Variants in GK5 observed in about 807,000 individuals in gnomAD.
The protein encoded by GK5 is ATP:glycerol 3-phosphotransferase 5.
A neutral mutation model predicts 77.3 loss-of-function variants in GK5; 39 were observed. The ratio of observed to expected loss-of-function variants is 0.50; its 90% CI spans 0.39 to 0.66. GK5 has a LOEUF of 0.66. Among genes scored for constraint, GK5 ranks in the 30% least tolerant of loss-of-function variants. GK5 has a pLI of 0.00. For missense variants in GK5, 487 were observed against 633.8 expected, an observed-to-expected ratio of 0.77 and a Z score of 2.49; for synonymous variants, 211 against 208.0, an observed-to-expected ratio of 1.01 and a Z score of -0.13.
In GK5 at chr3:142,201,138, G is replaced by T. The variant is rs185893077; in HGVS notation, c.412-2205C>A. Among the ~76,000 whole-genome samples the T allele has an allele frequency of 3.9e-5, 6 of 152,228 alleles. No individual in the cohort carries two copies. The East Asian group carries it at 1.2e-3, about 29-fold the overall frequency. On this transcript the variant is annotated intron_variant, in intron 4 of 15. Transcript: ENST00000392993. ...ATGACCTTGAGGTTTTTATCCCAGA[G>T]AAATGAAAAATTACATTCACAGAAA...
intron 15 of GK5, among the ~76,000 whole-genome samples, chr3:142,166,194 C>G (rs2063470973): frequency 6.6e-6 from 1 of 151,934 alleles, no homozygotes; most frequent in African/African-American, 2.4e-5. Flanking sequence ...CTGCAGTGAG[C>G]TATGATTATA....
intron 10 of GK5, among the ~76,000 whole-genome samples, chr3:142,182,274 G>C (rs909692399): frequency 2.0e-5 from 3 of 151,642 alleles, no homozygotes; most frequent in Non-Finnish European, 2.9e-5. Flanking sequence ...CACTAGCTGA[G>C]GACTACCACT....
intron 5 of GK5, among the ~76,000 whole-genome samples, chr3:142,189,568 C>T (rs2063820249): frequency 6.6e-6 from 1 of 152,080 alleles, no homozygotes; most frequent in South Asian, 2.1e-4. Context: ...GTAAATTCAT[C>T]CATCTATTAA....
At position 142,183,013 on chromosome 3, in the gene GK5, A is replaced by T. The variant is rs376526166; in HGVS notation, c.853T>A (p.Cys285Ser). The T allele has an allele frequency of 9.3e-6, 15 of 1,613,494 alleles. No homozygotes were observed. The highest frequency in any genetic ancestry group is 1.3e-5 in the African/African-American group (1 of 74,932). Residue 285 changes from cysteine to serine, a missense_variant, in exon 10 of 16, where the codon TGC becomes AGC. By Grantham distance (112) the Cys-to-Ser change is moderately radical. Coordinates refer to ENST00000392993, the MANE Select transcript of GK5 (RefSeq NM_001039547.3). The part of the protein sequence containing the change: ...DQQSAMFGEC[C>S]FQTGDVKLTM... ...AATTTCACATCACCTGTCTGGAAGC[A>T]GCACTCTCCAAACATGGCTGATTGC...
intron 6 of GK5, among the ~76,000 whole-genome samples, chr3:142,186,876 C>T (rs560901084): frequency 6.6e-6 from 1 of 152,086 alleles, no homozygotes; most frequent in Admixed American, 6.6e-5. Flanking sequence ...AGTGATCCGC[C>T]CGCCTCAGCC....
chr3:142,182,734 TATC>T (rs1340984051), intron 10 of GK5, among the ~76,000 whole-genome samples, 186 bp downstream of exon 10: 2 of 152,136 alleles, frequency 1.3e-5, no homozygotes, highest in Non-Finnish European at 2.9e-5. Context: ...TTTTCAACAA[TATC>T]ATTCTTGTTT....
At chr3:142,171,281 C>T in intron 14 of GK5, 138 bp downstream of exon 14, 1 of 756,486 alleles carries the variant, frequency 1.3e-6, no homozygotes, top group East Asian at 3.6e-5. Context: ...AGGAGCTAAG[C>T]AGAAATTATT....
intron 5 of GK5, among the ~76,000 whole-genome samples, chr3:142,190,863 C>T (rs1404162897): frequency 2.0e-5 from 3 of 151,764 alleles, no homozygotes; most frequent in Non-Finnish European, 1.5e-5. Flanking sequence ...AGTGTTAAAC[C>T]AGCAGAAAAA....
chr3:142,177,597 C>T (rs1273779327), intron 11 of GK5, 21 bp from the exon 12 acceptor site: 1 of 1,463,128 alleles, frequency 6.8e-7, no homozygotes, highest in South Asian at 1.2e-5. Flanking sequence ...AAACAAACAA[C>T]AAAAAACCCT....
In GK5 at chr3:142,224,352, A is replaced by G. The variant is rs2064398782; in HGVS notation, c.147+957T>C. Among the ~76,000 whole-genome samples the G allele has an allele frequency of 2.0e-5, 3 of 152,300 alleles. No homozygotes were observed. In the South Asian group the frequency reaches 6.2e-4, roughly 32 times the overall value. On this transcript the variant is annotated intron_variant, in intron 1 of 15. Coordinates refer to ENST00000392993, the MANE Select transcript of GK5 (RefSeq NM_001039547.3). ...CTTGAGCCCAGGAGGTCAAAGCTGC[A>G]GTGAGCCGAGATCACAGCACTGCAC...
chr3:142,190,246 T>C (rs1248130147), intron 5 of GK5, among the ~76,000 whole-genome samples: 2 of 152,012 alleles, frequency 1.3e-5, no homozygotes, highest in Non-Finnish European at 2.9e-5. Flanking sequence ...ATATGTAAGA[T>C]AGGGTTAGAT....
chr3:142,187,365 AG>A (rs1308155773), intron 6 of GK5, among the ~76,000 whole-genome samples: 1 of 151,960 alleles, frequency 6.6e-6, no homozygotes, highest in African/African-American at 2.4e-5. Flanking sequence ...GCACTTTGGG[AG>A]GCTGAGGCAG....
intron 11 of GK5, among the ~76,000 whole-genome samples, chr3:142,181,228 A>C (rs2063693190): frequency 6.6e-6 from 1 of 152,044 alleles, no homozygotes; most frequent in Admixed American, 6.5e-5. Context: ...CTTACCCACT[A>C]ATATTTTACA....
rs1365864800 is a variant in GK5, at chr3:142,185,937, CTATTGGTATAGGCACACCAAA to C, written c.787_807del (p.Phe263_Ile269del). 1 of 1,604,098 alleles carries C rather than the reference CTATTGGTATAGGCACACCAAA, an allele frequency of 6.2e-7. No individual in the cohort carries two copies. On this transcript the variant is annotated inframe_deletion, in exon 9 of 16. Transcript: ENST00000392993. ...TCAAGTTTCCTACTTACCAAGGCAACTATTGGTATAGGCACACCAAATATCTCTTCATCCACTGATCCAAAA... is the reference window on the plus strand; with the variant it reads ...TCAAGTTTCCTACTTACCAAGGCAACTATCTCTTCATCCACTGATCCAAAA...
intron 3 of GK5, among the ~76,000 whole-genome samples, chr3:142,206,983 A>T (rs2064118103): frequency 6.6e-6 from 1 of 152,254 alleles, no homozygotes. Flanking sequence ...ACAGAATAAA[A>T]GATGAAATGC....
At chr3:142,172,262 A>T in intron 13 of GK5, 91 bp downstream of exon 13, 1 of 606,112 alleles carries the variant, frequency 1.6e-6, no homozygotes, top group Non-Finnish European at 3.0e-6. Context: ...GAATTTAATT[A>T]AAATTAAGAA....
At chr3:142,203,674 T>G (rs912190288) in intron 4 of GK5, among the ~76,000 whole-genome samples, 1 of 152,182 alleles carries the variant, frequency 6.6e-6, no homozygotes, top group East Asian at 1.9e-4. Flanking sequence ...CTTGGGAGGC[T>G]GAGGCAGGAG....
At position 142,171,866 on chromosome 3, in the gene GK5, A is replaced by G. The variant is rs144011582; in HGVS notation, c.1248-388T>C. Among the ~76,000 whole-genome samples the G allele has an allele frequency of 1.1e-3, 168 of 152,302 alleles. 2 individuals carry two copies. The highest frequency in any genetic ancestry group is 3.8e-3 in the African/African-American group (160 of 41,594). ...AAAAACAATTACTTTGTAATCACAG[A>G]AAATTTTATTTTAAATGTTACAAAC... On this transcript the variant is annotated intron_variant, in intron 13 of 15. Coordinates refer to ENST00000392993, the MANE Select transcript of GK5 (RefSeq NM_001039547.3).
At chr3:142,176,129 A>T (rs1418696441) in intron 12 of GK5, among the ~76,000 whole-genome samples, 4 of 152,084 alleles carry the variant, frequency 2.6e-5, no homozygotes, top group Non-Finnish European at 4.4e-5. Flanking sequence ...CAATGGAATC[A>T]ATTCACAAGC....
Sources: allele counts gnomAD v4.1 joint callset (sites outside exome capture counted in the v4.1 genomes callset), GRCh38; gene constraint gnomAD v4.1.1; transcripts MANE v1.5; gene names NCBI Gene and HGNC (gene_info 2026-07-23, HGNC 2026-07-21).